The following NRG3 variants were observed in gnomAD, a reference collection of about 807,000 sequenced individuals.
NRG3 encodes the protein neuregulin 3.
In NRG3, 31 loss-of-function variants were observed where a neutral mutation model predicts 66.9. The ratio of observed to expected loss-of-function variants is 0.46; its 90% CI spans 0.35 to 0.63. The LOEUF (loss-of-function observed/expected upper bound fraction) is 0.63, where lower values mean the gene tolerates loss of function less well. Ranked by LOEUF, NRG3 falls within the 20% of genes least tolerant of loss-of-function variation. The pLI, the probability that NRG3 is intolerant of heterozygous loss-of-function variation, is 0.00. For missense variants in NRG3, 910 were observed against 878.9 expected (o/e 1.04, Z -0.45); for synonymous variants, 393 against 359.4 (o/e 1.09, Z -1.06).
chr10:82,190,111 T>G (rs913167591), intron 1 of NRG3, among the ~76,000 whole-genome samples: 6 of 152,178 alleles, frequency 3.9e-5, no homozygotes, highest in Non-Finnish European at 7.3e-5. Context: ...CATGTGTCTT[T>G]GACAAAACAC....
At chr10:82,079,133 C>G (rs925630867) in intron 1 of NRG3, among the ~76,000 whole-genome samples, 4 of 151,874 alleles carry the variant, frequency 2.6e-5, no homozygotes, top group Non-Finnish European at 5.9e-5. Flanking sequence ...CAACCTCCGC[C>G]TCCCGGGTTC....
intron 2 of NRG3, among the ~76,000 whole-genome samples, chr10:82,552,933 T>C (rs960320605): frequency 1.3e-5 from 2 of 151,936 alleles, no homozygotes; most frequent in African/African-American, 2.4e-5. Flanking sequence ...ACTGAAGTGA[T>C]TGGAGATAGT....
chr10:82,272,845 C>G (rs1181643495), intron 1 of NRG3, among the ~76,000 whole-genome samples: 1 of 151,996 alleles, frequency 6.6e-6, no homozygotes, highest in Non-Finnish European at 1.5e-5. Context: ...TAAATTGCCT[C>G]TGCTGTCCTT....
intron 4 of NRG3, among the ~76,000 whole-genome samples, chr10:82,941,541 C>A (rs953517225): frequency 6.6e-6 from 1 of 152,144 alleles, no homozygotes; most frequent in African/African-American, 2.4e-5. Flanking sequence ...ATTCAGGAGA[C>A]CTGCTTTATC....
At chr10:82,035,778 T>C (rs763384175) in intron 1 of NRG3, among the ~76,000 whole-genome samples, 3 of 152,136 alleles carry the variant, frequency 2.0e-5, no homozygotes, top group African/African-American at 7.2e-5. Context: ...GAATAATTTG[T>C]AATATCTTTA....
At chr10:82,885,681 G>T (rs1360171849) in intron 4 of NRG3, among the ~76,000 whole-genome samples, 1 of 152,152 alleles carries the variant, frequency 6.6e-6, no homozygotes, top group African/African-American at 2.4e-5. Context: ...TTGAGGTATT[G>T]AAGAATTGTA....
chr10:82,838,899 C>T (rs538445919), intron 3 of NRG3, among the ~76,000 whole-genome samples: 1 of 152,142 alleles, frequency 6.6e-6, no homozygotes, highest in South Asian at 2.1e-4. Context: ...GGAGGCCTCA[C>T]AATCATGGCG....
intron 1 of NRG3, among the ~76,000 whole-genome samples, chr10:82,137,343 C>T (rs907973314): frequency 6.6e-6 from 1 of 152,108 alleles, no homozygotes; most frequent in African/African-American, 2.4e-5. Context: ...CATGCTAAGC[C>T]GAAGTGCCAG....
chr10:82,739,825 A>G (rs2058333141), intron 3 of NRG3, among the ~76,000 whole-genome samples: 1 of 152,192 alleles, frequency 6.6e-6, no homozygotes, highest in Non-Finnish European at 1.5e-5. Context: ...TTCTCTGGGA[A>G]TTACCCAAAG....
At chr10:82,642,966 G>T (rs1218711513) in intron 2 of NRG3, among the ~76,000 whole-genome samples, 2 of 152,012 alleles carry the variant, frequency 1.3e-5, no homozygotes, top group East Asian at 3.9e-4. Flanking sequence ...TATGGATAAA[G>T]TGATATGAAT....
At chr10:82,866,395 T>C (rs1378609642) in intron 4 of NRG3, among the ~76,000 whole-genome samples, 1 of 152,188 alleles carries the variant, frequency 6.6e-6, no homozygotes, top group Non-Finnish European at 1.5e-5. Context: ...AGCTTTGACA[T>C]ATTTGAGAGA....
At chr10:82,843,121 A>T (rs1464537656) in intron 3 of NRG3, 1 of 344,710 alleles carries the variant, frequency 2.9e-6, no homozygotes, top group African/African-American at 2.1e-5. Context: ...AAGATGGGGG[A>T]CTACTGTATT....
At chr10:81,945,508 T>A (rs1430278621) in intron 1 of NRG3, among the ~76,000 whole-genome samples, 1 of 152,170 alleles carries the variant, frequency 6.6e-6, no homozygotes. Flanking sequence ...TTCTGGAAAT[T>A]GAGTCATTGG....
At chr10:81,948,385 GGAA>G (rs1448349850) in intron 1 of NRG3, among the ~76,000 whole-genome samples, 1 of 152,074 alleles carries the variant, frequency 6.6e-6, no homozygotes, top group Non-Finnish European at 1.5e-5. Flanking sequence ...TGTATAGTAG[GGAA>G]GAAGGTCATA....
intron 1 of NRG3, among the ~76,000 whole-genome samples, chr10:82,102,733 CTTT>C (rs140046183): frequency 6.6e-6 from 1 of 151,654 alleles, no homozygotes; most frequent in African/African-American, 2.4e-5. Flanking sequence ...AAGTTAATAC[CTTT>C]TTTTACTGCA....
chr10:82,747,303 T>G (rs527474377), intron 3 of NRG3, among the ~76,000 whole-genome samples: 1 of 152,206 alleles, frequency 6.6e-6, no homozygotes, highest in African/African-American at 2.4e-5. Context: ...AAGGGCTGTT[T>G]AGTGGGTTTC....
intron 1 of NRG3, among the ~76,000 whole-genome samples, chr10:82,137,477 T>C (rs2069456430): frequency 6.6e-6 from 1 of 152,142 alleles, no homozygotes. Context: ...CACCCCATCA[T>C]GAAAAAATAA....
intron 1 of NRG3, among the ~76,000 whole-genome samples, chr10:82,302,749 G>A (rs535705582): frequency 3.9e-5 from 6 of 152,286 alleles, no homozygotes; most frequent in African/African-American, 1.4e-4. Flanking sequence ...AAGATTTCGA[G>A]TAACTTTAAA....
intron 1 of NRG3, among the ~76,000 whole-genome samples, chr10:82,024,949 C>T (rs2062232082): frequency 6.6e-6 from 1 of 152,024 alleles, no homozygotes; most frequent in African/African-American, 2.4e-5. Flanking sequence ...CCTTGATCAG[C>T]CTGAGGCTGG....
Sources: gnomAD v4.1 joint callset for allele counts (sites outside exome capture counted in the v4.1 genomes callset) on GRCh38, gnomAD v4.1.1 for gene constraint, MANE v1.5 for transcripts, NCBI Gene and HGNC (gene_info 2026-07-23, HGNC 2026-07-21) for gene names.